FHIT: variants seen among roughly 807,000 people sequenced by gnomAD.
FHIT encodes bis(5'-adenosyl)-triphosphatase.
In FHIT, 19 loss-of-function variants were observed where a neutral mutation model predicts 17.9. The observed-to-expected ratio is 1.06, with a 90% CI of 0.74 to 1.56. The LOEUF (loss-of-function observed/expected upper bound fraction) is 1.56. Among genes scored for constraint, FHIT ranks in the 40% most tolerant of loss-of-function variants. FHIT has a pLI of 0.00. For synonymous variants in FHIT, 81 were observed against 69.7 expected, an observed-to-expected ratio of 1.16 and a Z score of -0.81; for missense variants, 248 against 189.2, an observed-to-expected ratio of 1.31 and a Z score of -1.82.
At chr3:60,272,510 AATGATACTCTACC>A (rs1415369504) in intron 5 of FHIT, among the ~76,000 whole-genome samples, 1 of 152,166 alleles carries the variant, frequency 6.6e-6, no homozygotes, top group African/African-American at 2.4e-5. Flanking sequence ...TGAATCCTTT[AATGATACTCTACC>A]AATTCCCCCG....
chr3:60,593,287 A>G (rs1576938789), intron 4 of FHIT, among the ~76,000 whole-genome samples: 1 of 152,136 alleles, frequency 6.6e-6, no homozygotes, highest in East Asian at 1.9e-4. Context: ...AGCCTGCAAA[A>G]AAGTATTACT....
chr3:60,557,482 G>C (rs180992), intron 4 of FHIT, among the ~76,000 whole-genome samples: 35,678 of 151,810 alleles, frequency 0.24, 4,611 homozygotes, highest in Non-Finnish European at 0.29. Context: ...GAGTCTGTCT[G>C]TTTGGTTTTC....
chr3:61,209,069 C>T (rs2039357629), intron 1 of FHIT, among the ~76,000 whole-genome samples: 1 of 152,018 alleles, frequency 6.6e-6, no homozygotes, highest in Non-Finnish European at 1.5e-5. Flanking sequence ...TTCTCCTTCA[C>T]TTATGAAGCT....
intron 5 of FHIT, among the ~76,000 whole-genome samples, chr3:60,115,566 T>C (rs1704919344): frequency 6.6e-6 from 1 of 152,208 alleles, no homozygotes. Context: ...AAAATATTTA[T>C]TCATAGCGTT....
chr3:60,383,006 T>C (rs900193295), intron 5 of FHIT, among the ~76,000 whole-genome samples: 5 of 152,212 alleles, frequency 3.3e-5, no homozygotes, highest in African/African-American at 1.2e-4. Flanking sequence ...TTAATACTTT[T>C]GCATTTTCAT....
intron 4 of FHIT, among the ~76,000 whole-genome samples, chr3:60,674,831 C>CT (rs2040585790): frequency 1.3e-5 from 2 of 152,290 alleles, no homozygotes; most frequent in Admixed American, 6.5e-5. Context: ...TCTTGCCCTG[C>CT]TTATACATAG....
chr3:59,988,384 T>C (rs1250912906), intron 7 of FHIT, among the ~76,000 whole-genome samples: 4 of 152,124 alleles, frequency 2.6e-5, no homozygotes, highest in Non-Finnish European at 4.4e-5. Context: ...GAGTCTATTG[T>C]TGGTTTATGT....
At chr3:59,910,757 G>C (rs1704832080) in intron 8 of FHIT, among the ~76,000 whole-genome samples, 1 of 152,200 alleles carries the variant, frequency 6.6e-6, no homozygotes, top group Non-Finnish European at 1.5e-5. Flanking sequence ...AGGCAGGTAT[G>C]AAAGTGGCTT....
chr3:60,964,218 T>C (rs1709601066), intron 3 of FHIT, among the ~76,000 whole-genome samples: 1 of 152,176 alleles, frequency 6.6e-6, no homozygotes, highest in Non-Finnish European at 1.5e-5. Flanking sequence ...TCTTTGTTGG[T>C]TTAAAGTCTG....
At chr3:60,431,048 C>G (rs1304271799) in intron 5 of FHIT, among the ~76,000 whole-genome samples, 1 of 152,004 alleles carries the variant, frequency 6.6e-6, no homozygotes, top group African/African-American at 2.4e-5. Flanking sequence ...CCTGTCTCTA[C>G]TAAAAATACA....
chr3:60,909,238 G>A (rs1706592610), intron 3 of FHIT, among the ~76,000 whole-genome samples: 5 of 151,966 alleles, frequency 3.3e-5, no homozygotes, highest in Admixed American at 2.6e-4. Flanking sequence ...GCATGGTGGT[G>A]TGCACCTGTA....
intron 5 of FHIT, among the ~76,000 whole-genome samples, chr3:60,164,882 A>C (rs1384939798): frequency 6.6e-6 from 1 of 152,130 alleles, no homozygotes; most frequent in East Asian, 1.9e-4. Flanking sequence ...ATTCTTCCCT[A>C]TGGCTCTGTC....
At chr3:59,754,086 C>T (rs1701071042) in intron 8 of FHIT, among the ~76,000 whole-genome samples, 1 of 152,106 alleles carries the variant, frequency 6.6e-6, no homozygotes, top group Non-Finnish European at 1.5e-5. Context: ...AGGCCTCTAC[C>T]CTGGCAGCTT....
intron 4 of FHIT, chr3:60,553,535 G>GAGGGAGAGAGA (rs1559534685): frequency 1.6e-5 from 2 of 121,640 alleles, no homozygotes; most frequent in African/African-American, 6.2e-5. Context: ...AGAGAGAGAG[G>GAGGGAGAGAGA]GAGAGAGAGA....
At chr3:60,118,221 T>G (rs908250210) in intron 5 of FHIT, among the ~76,000 whole-genome samples, 2 of 151,918 alleles carry the variant, frequency 1.3e-5, no homozygotes, top group Non-Finnish European at 2.9e-5. Flanking sequence ...ATCCTCCTGC[T>G]TCAGCCTCCT....
chr3:60,869,833 T>C (rs1207033936), intron 3 of FHIT, among the ~76,000 whole-genome samples: 1 of 152,092 alleles, frequency 6.6e-6, no homozygotes, highest in African/African-American at 2.4e-5. Context: ...TTTATAGGAA[T>C]TGACATGACT....
At chr3:60,198,531 G>T (rs762913334) in intron 5 of FHIT, among the ~76,000 whole-genome samples, 4 of 135,682 alleles carry the variant, frequency 2.9e-5, no homozygotes, top group East Asian at 7.1e-4. Flanking sequence ...GATAGCTGTC[G>T]TGAGTTGTTT....
intron 5 of FHIT, among the ~76,000 whole-genome samples, chr3:60,313,805 G>C (rs1709052209): frequency 6.6e-6 from 1 of 152,156 alleles, no homozygotes; most frequent in Admixed American, 6.5e-5. Flanking sequence ...TGTGCAAACG[G>C]ACTTTGAAGT....
chr3:60,309,534 C>T (rs913410044), intron 5 of FHIT, among the ~76,000 whole-genome samples: 2 of 152,126 alleles, frequency 1.3e-5, no homozygotes, highest in African/African-American at 4.8e-5. Context: ...AGTGGTGTGA[C>T]AGAGGACTTT....
Sources: allele counts gnomAD v4.1 joint callset (sites outside exome capture counted in the v4.1 genomes callset), GRCh38; gene constraint gnomAD v4.1.1; transcripts MANE v1.5; gene names NCBI Gene and HGNC (gene_info 2026-07-23, HGNC 2026-07-21).